CSMD1: variants seen among roughly 807,000 people sequenced by gnomAD.
The protein encoded by CSMD1 is CUB and sushi domain-containing protein 1.
In CSMD1, 213 loss-of-function variants were observed where a neutral mutation model predicts 417.5. The observed-to-expected ratio is 0.51, with a 90% confidence interval of 0.46 to 0.57. The LOEUF (loss-of-function observed/expected upper bound fraction) is 0.57, where lower values mean the gene tolerates loss of function less well. Among genes scored for constraint, CSMD1 ranks in the 20% least tolerant of loss-of-function variants. CSMD1 has a pLI of 0.00. For missense variants in CSMD1, 6,923 were observed against 4,529.7 expected (o/e 1.53, Z -15.17); for synonymous variants, 2,862 against 1,736.8 (o/e 1.65, Z -16.11).
At chr8:4,691,762 G>A (rs1806783619) in intron 1 of CSMD1, among the ~76,000 whole-genome samples, 3 of 152,314 alleles carry the variant, frequency 2.0e-5, no homozygotes, top group East Asian at 1.9e-4. Flanking sequence ...ATCTAGCCCA[G>A]CAGTGGAATG....
At chr8:3,259,921 G>T (rs974079504) in intron 26 of CSMD1, among the ~76,000 whole-genome samples, 1 of 152,036 alleles carries the variant, frequency 6.6e-6, no homozygotes, top group Non-Finnish European at 1.5e-5. Flanking sequence ...ACTCATACAT[G>T]CGTTGTCTGT....
At chr8:4,002,461 C>G (rs1406584311) in intron 4 of CSMD1, among the ~76,000 whole-genome samples, 1 of 152,112 alleles carries the variant, frequency 6.6e-6, no homozygotes, top group Admixed American at 6.5e-5. Flanking sequence ...AGTTTGTTTC[C>G]TCTTAGATCT....
Position 3,943,572 on chromosome 8 carries a change from A to T in CSMD1, c.818+54331T>A, listed in dbSNP as rs148332204. On this transcript the variant is annotated intron_variant, in intron 5 of 69. Coordinates refer to ENST00000635120, the MANE Select transcript of CSMD1 (RefSeq NM_033225.6). ...CAAAAAATATGTATTATTTACAAAAAGAAAAATAGTGACTTTTCATTTGAA... is the reference window on the plus strand; with the variant it reads ...CAAAAAATATGTATTATTTACAAAATGAAAAATAGTGACTTTTCATTTGAA... Among the ~76,000 whole-genome samples, 1,443 of 152,252 alleles carry T rather than the reference A, an allele frequency of 9.5e-3. 21 individuals carry two copies. The highest frequency in any genetic ancestry group is 0.033 in the African/African-American group (1,368 of 41,548).
At chr8:4,441,079 A>ACTCGT (rs1798442186) in intron 2 of CSMD1, among the ~76,000 whole-genome samples, 1 of 73,690 alleles carries the variant, frequency 1.4e-5, no homozygotes, top group Admixed American at 1.8e-4. Context: ...TAATAATTTG[A>ACTCGT]CTCGTTAATC....
At chr8:2,973,063 C>T (rs138082084) in intron 57 of CSMD1, 54 bp downstream of exon 57, 214 of 1,538,600 alleles carry the variant, frequency 1.4e-4, no homozygotes, top group East Asian at 8.6e-4. Flanking sequence ...CATTTTAGAA[C>T]GAGCTGTGTG....
intron 1 of CSMD1, among the ~76,000 whole-genome samples, chr8:4,695,574 T>G (rs1462873012): frequency 6.6e-6 from 1 of 152,104 alleles, no homozygotes; most frequent in Non-Finnish European, 1.5e-5. Flanking sequence ...ATACAGAGGT[T>G]TCTCATCTGT....
chr8:4,558,616 C>G (rs1041433622), intron 2 of CSMD1, among the ~76,000 whole-genome samples: 1 of 152,122 alleles, frequency 6.6e-6, no homozygotes, highest in Non-Finnish European at 1.5e-5. Flanking sequence ...CCTGTAATCC[C>G]AGCACTTTGG....
intron 14 of CSMD1, among the ~76,000 whole-genome samples, 162 bp downstream of exon 14, chr8:3,407,737 G>C (rs1390061740): frequency 6.6e-6 from 1 of 152,136 alleles, no homozygotes; most frequent in Non-Finnish European, 1.5e-5. Flanking sequence ...TTGTTTTTAA[G>C]TTTTCAGGAT....
At chr8:4,991,671 C>T (rs1811473748) in intron 1 of CSMD1, among the ~76,000 whole-genome samples, 1 of 152,076 alleles carries the variant, frequency 6.6e-6, no homozygotes, top group East Asian at 1.9e-4. Flanking sequence ...TGCCGAGCCC[C>T]GGGGCCCAGC....
chr8:3,108,818 C>T (rs1816319315), intron 43 of CSMD1, 70 bp from the exon 44 acceptor site: 9 of 1,441,026 alleles, frequency 6.2e-6, no homozygotes, highest in Admixed American at 2.4e-5. Context: ...GAAACTTTGG[C>T]TAATGAATTA....
chr8:3,835,160 C>T (rs983855875), intron 5 of CSMD1, among the ~76,000 whole-genome samples: 16 of 147,334 alleles, frequency 1.1e-4, no homozygotes, highest in Admixed American at 5.3e-4. Flanking sequence ...GTCAGTGTGG[C>T]GATTCCTCAG....
At chr8:3,481,978 T>C (rs1427707611) in intron 11 of CSMD1, among the ~76,000 whole-genome samples, 6 of 152,206 alleles carry the variant, frequency 3.9e-5, no homozygotes, top group Non-Finnish European at 7.3e-5. Flanking sequence ...AGTAGACTGT[T>C]ATAAGTCACA....
intron 3 of CSMD1, among the ~76,000 whole-genome samples, chr8:4,347,498 A>C (rs1800840224): frequency 6.6e-6 from 1 of 152,184 alleles, no homozygotes; most frequent in African/African-American, 2.4e-5. Flanking sequence ...ACTAAAGGAG[A>C]CTAAATTATA....
At chr8:4,411,567 C>T (rs1363801713) in intron 3 of CSMD1, among the ~76,000 whole-genome samples, 2 of 152,124 alleles carry the variant, frequency 1.3e-5, no homozygotes, top group African/African-American at 2.4e-5. Context: ...TTTTTCTGTG[C>T]TCATTGCAAT....
intron 3 of CSMD1, among the ~76,000 whole-genome samples, chr8:4,297,912 G>A (rs1041644571): frequency 2.0e-5 from 3 of 152,144 alleles, no homozygotes; most frequent in Non-Finnish European, 2.9e-5. Context: ...TATATAATCA[G>A]AAAGGTTTTT....
intron 2 of CSMD1, among the ~76,000 whole-genome samples, chr8:4,540,017 C>G (rs908343475): frequency 6.6e-6 from 1 of 152,148 alleles, no homozygotes; most frequent in Non-Finnish European, 1.5e-5. Flanking sequence ...GCCCTCTTCC[C>G]CTCCTCACTC....
chr8:4,075,339 A>T (rs1799766163), intron 3 of CSMD1, among the ~76,000 whole-genome samples: 1 of 152,206 alleles, frequency 6.6e-6, no homozygotes, highest in Non-Finnish European at 1.5e-5. Context: ...GAGAATATAG[A>T]GCTCTCTAAG....
chr8:3,543,908 T>G (rs1798547206), intron 10 of CSMD1, among the ~76,000 whole-genome samples: 1 of 152,158 alleles, frequency 6.6e-6, no homozygotes, highest in African/African-American at 2.4e-5. Flanking sequence ...TGGAGGACCC[T>G]GAGAACTCCA....
intron 3 of CSMD1, among the ~76,000 whole-genome samples, chr8:4,417,567 A>C (rs1797013169): frequency 6.6e-6 from 1 of 152,046 alleles, no homozygotes; most frequent in Non-Finnish European, 1.5e-5. Context: ...TTATATCTAA[A>C]TCCAGTTGCC....
Sources: gnomAD v4.1 joint callset for allele counts (sites outside exome capture counted in the v4.1 genomes callset) on GRCh38, gnomAD v4.1.1 for gene constraint, MANE v1.5 for transcripts, NCBI Gene and HGNC (gene_info 2026-07-23, HGNC 2026-07-21) for gene names.